ARHGAP8: variants seen among roughly 807,000 people sequenced by gnomAD.
ARHGAP8 encodes the protein Rho GTPase activating protein 8, also known as rho GTPase-activating protein 8.
ARHGAP8 carries 62 observed loss-of-function variants against 46.1 expected under a neutral mutation model. That is an observed-to-expected ratio of 1.34 (90% confidence interval 1.10 to 1.66). The LOEUF (loss-of-function observed/expected upper bound fraction) is 1.66. ARHGAP8 is among the 40% of genes most tolerant of loss of function. The probability of loss-of-function intolerance (pLI) is 0.00; values close to 1 mark genes in which losing one functional copy is unlikely to be tolerated. For synonymous variants in ARHGAP8, 375 were observed against 243.1 expected (o/e 1.54, Z -5.05); for missense variants, 923 against 568.4 (o/e 1.62, Z -6.34).
chr22:44,853,734 A>T (rs1053782418), intron 10 of ARHGAP8, among the ~76,000 whole-genome samples: 1 of 152,168 alleles, frequency 6.6e-6, no homozygotes, highest in Non-Finnish European at 1.5e-5. Flanking sequence ...CAAGTTAAAA[A>T]TTTGCCATCA....
intron 1 of ARHGAP8, among the ~76,000 whole-genome samples, chr22:44,756,492 C>T (rs1924683340): frequency 6.6e-6 from 1 of 151,990 alleles, no homozygotes; most frequent in South Asian, 2.1e-4. Context: ...GAATTTTAGA[C>T]ACTCAAATGA....
chr22:44,858,541 T>TTTTTC (rs1457867307), intron 10 of ARHGAP8, among the ~76,000 whole-genome samples: 1 of 131,496 alleles, frequency 7.6e-6, no homozygotes, highest in Non-Finnish European at 1.6e-5. Flanking sequence ...GGCTTTTTTT[T>TTTTTC]TTTTTTTTTT....
intron 1 of ARHGAP8, among the ~76,000 whole-genome samples, chr22:44,769,246 C>A (rs1340517345): frequency 6.6e-6 from 1 of 152,156 alleles, no homozygotes; most frequent in Admixed American, 6.5e-5. Context: ...CACAATCTTG[C>A]CCTGAAACAC....
At chr22:44,848,153 C>G (rs2070006411) in intron 9 of ARHGAP8, 103 bp downstream of exon 9, 8 of 1,480,822 alleles carry the variant, frequency 5.4e-6, no homozygotes, top group Non-Finnish European at 5.5e-6. Context: ...CCGCAACCCA[C>G]CCAACTCCCA....
intron 11 of ARHGAP8, among the ~76,000 whole-genome samples, chr22:44,861,519 G>T (rs996845340): frequency 6.6e-6 from 1 of 151,380 alleles, no homozygotes; most frequent in Non-Finnish European, 1.5e-5. Context: ...ATCCTCAACA[G>T]ATCTGTGAGG....
chr22:44,845,410 C>G, intron 8 of ARHGAP8, 68 bp downstream of exon 8: 1 of 1,604,996 alleles, frequency 6.2e-7, no homozygotes, highest in Non-Finnish European at 8.5e-7. Context: ...GGTGGTTTGT[C>G]TTGGATCCTG....
chr22:44,820,013 A>G (rs1446076990), intron 5 of ARHGAP8, among the ~76,000 whole-genome samples: 1 of 152,196 alleles, frequency 6.6e-6, no homozygotes, highest in East Asian at 1.9e-4. Context: ...GATCTTGGGC[A>G]GCCACATAAC....
chr22:44,857,940 G>T (rs1450270100), intron 10 of ARHGAP8, among the ~76,000 whole-genome samples: 2 of 38,188 alleles, frequency 5.2e-5, no homozygotes, highest in Non-Finnish European at 1.2e-4. Context: ...TTCTCAGAGG[G>T]ACCACAGAGC....
chr22:44,764,967 C>G (rs1925440207), intron 1 of ARHGAP8, among the ~76,000 whole-genome samples: 1 of 152,200 alleles, frequency 6.6e-6, no homozygotes, highest in Non-Finnish European at 1.5e-5. Context: ...AGTGAGGAAA[C>G]TTCAAAACAA....
At chr22:44,834,950 T>G (rs1319820721) in intron 7 of ARHGAP8, among the ~76,000 whole-genome samples, 1 of 152,162 alleles carries the variant, frequency 6.6e-6, no homozygotes, top group Non-Finnish European at 1.5e-5. Context: ...GTTTGCATGG[T>G]GTATCTTTGT....
At chr22:44,772,880 G>A (rs567289937) in intron 1 of ARHGAP8, among the ~76,000 whole-genome samples, 1 of 143,254 alleles carries the variant, frequency 7.0e-6, no homozygotes, top group South Asian at 2.2e-4. Context: ...GTGCCGTGGT[G>A]CAATCATGTC....
At chr22:44,787,047 A>AAAAAAAAAAAAAAAAAAC (rs796358176) in intron 2 of ARHGAP8, among the ~76,000 whole-genome samples, 6 of 145,558 alleles carry the variant, frequency 4.1e-5, no homozygotes, top group Admixed American at 7.1e-5. Context: ...CAAAAAAAAA[A>AAAAAAAAAAAAAAAAAAC]AAAAGAAAGA....
intron 5 of ARHGAP8, among the ~76,000 whole-genome samples, chr22:44,816,648 A>G (rs558825241): frequency 3.9e-5 from 6 of 152,062 alleles, no homozygotes; most frequent in Admixed American, 2.6e-4. Context: ...TCTATAAAAA[A>G]TATAAAAATT....
chr22:44,828,801 C>G (rs964983028), intron 7 of ARHGAP8, among the ~76,000 whole-genome samples: 1 of 151,974 alleles, frequency 6.6e-6, no homozygotes, highest in Admixed American at 6.6e-5. Flanking sequence ...TTCCTGAAGC[C>G]CTGTGTCTCC....
At chr22:44,782,687 C>G (rs532651660) in intron 1 of ARHGAP8, among the ~76,000 whole-genome samples, 1 of 152,326 alleles carries the variant, frequency 6.6e-6, no homozygotes, top group South Asian at 2.1e-4. Flanking sequence ...CCTGTTACGG[C>G]TGAGTAATAT....
chr22:44,835,349 G>A (rs1931213833), intron 7 of ARHGAP8, among the ~76,000 whole-genome samples: 1 of 152,056 alleles, frequency 6.6e-6, no homozygotes. Context: ...GCCAGGCGTG[G>A]TGGCTGAAGC....
At chr22:44,770,632 C>G (rs566094888) in intron 1 of ARHGAP8, among the ~76,000 whole-genome samples, 1 of 152,288 alleles carries the variant, frequency 6.6e-6, no homozygotes, top group South Asian at 2.1e-4. Context: ...TCTCACACTT[C>G]TGACCTCAGG....
intron 10 of ARHGAP8, among the ~76,000 whole-genome samples, chr22:44,851,808 C>T (rs2070101161): frequency 6.6e-6 from 1 of 151,938 alleles, no homozygotes; most frequent in South Asian, 2.1e-4. Context: ...CACTGTACTC[C>T]AGCCTGGACA....
At chr22:44,854,488 C>G (rs1336951401) in intron 10 of ARHGAP8, among the ~76,000 whole-genome samples, 1 of 152,076 alleles carries the variant, frequency 6.6e-6, no homozygotes, top group African/African-American at 2.4e-5. Flanking sequence ...CCACCTCAAC[C>G]TCCTAAAGTG....
Sources: allele counts gnomAD v4.1 joint callset (sites outside exome capture counted in the v4.1 genomes callset), GRCh38; gene constraint gnomAD v4.1.1; transcripts MANE v1.5; gene names NCBI Gene and HGNC (gene_info 2026-07-23, HGNC 2026-07-21).